Variants in LPP observed in about 807,000 individuals in gnomAD.
LPP encodes lipoma-preferred partner.
Under a neutral mutation model 60.4 loss-of-function variants are expected in LPP, and 38 were observed. That is an observed-to-expected ratio of 0.63 (90% CI 0.49 to 0.83). The LOEUF (loss-of-function observed/expected upper bound fraction) is 0.83. Among genes scored for constraint, LPP ranks in the 40% least tolerant of loss-of-function variants. The pLI is 0.00. For missense variants in LPP, 902 were observed against 783.6 expected, an observed-to-expected ratio of 1.15 and a Z score of -1.80; for synonymous variants, 328 against 290.8, an observed-to-expected ratio of 1.13 and a Z score of -1.30.
chr3:188,190,108 T>A (rs138788076), intron 1 of LPP, among the ~76,000 whole-genome samples: 3,270 of 148,636 alleles, frequency 0.022, 48 homozygotes, highest in Middle Eastern at 0.046. Context: ...CAGGCTGGAG[T>A]GCAGTGGCAT....
intron 6 of LPP, among the ~76,000 whole-genome samples, chr3:188,534,264 G>A (rs1169700694): frequency 6.6e-6 from 1 of 152,202 alleles, no homozygotes; most frequent in African/African-American, 2.4e-5. Context: ...TGATTTGTTT[G>A]TTTGACCTTG....
chr3:188,397,591 A>T (rs1443883300), intron 3 of LPP, among the ~76,000 whole-genome samples: 1 of 150,194 alleles, frequency 6.7e-6, no homozygotes, highest in African/African-American at 2.4e-5. Flanking sequence ...GCGTGGAGGC[A>T]TGTCACTGTT....
chr3:188,772,146 A>T (rs763334865), intron 9 of LPP, among the ~76,000 whole-genome samples: 3 of 152,194 alleles, frequency 2.0e-5, no homozygotes, highest in Non-Finnish European at 4.4e-5. Flanking sequence ...ATATGTTTGC[A>T]TTCTTATCTC....
intron 9 of LPP, among the ~76,000 whole-genome samples, chr3:188,814,508 T>C (rs551529366): frequency 6.6e-6 from 1 of 152,340 alleles, no homozygotes; most frequent in South Asian, 2.1e-4. Context: ...TTCTAATAAC[T>C]GAAATTCCGC....
chr3:188,545,562 A>G (rs1318541557), intron 6 of LPP, among the ~76,000 whole-genome samples: 1 of 152,052 alleles, frequency 6.6e-6, no homozygotes, highest in Admixed American at 6.6e-5. Flanking sequence ...AAATGAGCCC[A>G]TGTGCCTCGA....
intron 4 of LPP, among the ~76,000 whole-genome samples, chr3:188,411,943 A>G (rs545300208): frequency 1.5e-3 from 214 of 147,374 alleles, no homozygotes; most frequent in African/African-American, 5.2e-3. Context: ...CTTTTGCACC[A>G]ACTTAATAAC....
intron 2 of LPP, among the ~76,000 whole-genome samples, chr3:188,258,923 C>G (rs1407700974): frequency 1.3e-5 from 2 of 152,078 alleles, no homozygotes; most frequent in African/African-American, 4.8e-5. Context: ...GGGATGGACA[C>G]AGATGCTGAA....
intron 2 of LPP, among the ~76,000 whole-genome samples, chr3:188,287,741 A>T (rs1426647143): frequency 6.6e-6 from 1 of 152,190 alleles, no homozygotes; most frequent in African/African-American, 2.4e-5. Context: ...GCAAGGAGTA[A>T]TCGTCACCTT....
At chr3:188,298,887 G>A (rs1016460316) in intron 2 of LPP, among the ~76,000 whole-genome samples, 1 of 152,190 alleles carries the variant, frequency 6.6e-6, no homozygotes, top group African/African-American at 2.4e-5. Flanking sequence ...TGAGCAGAGG[G>A]AAGCTTAGCC....
chr3:188,371,631 ATATATATATATTTTTTTTTTTT>A (rs1231690043), intron 3 of LPP, among the ~76,000 whole-genome samples: 5 of 27,736 alleles, frequency 1.8e-4, no homozygotes, highest in Non-Finnish European at 2.7e-4. Flanking sequence ...ATATATATAT[ATATATATATATTTTTTTTTTTT>A]TTTTTTTTTT....
chr3:188,254,345 A>G (rs1730938086), intron 2 of LPP, among the ~76,000 whole-genome samples: 2 of 152,198 alleles, frequency 1.3e-5, no homozygotes, highest in African/African-American at 4.8e-5. Flanking sequence ...TTGTATGGTC[A>G]GTACAGTTTG....
chr3:188,318,356 A>G (rs1755724672), intron 2 of LPP, among the ~76,000 whole-genome samples: 1 of 151,776 alleles, frequency 6.6e-6, no homozygotes. Flanking sequence ...CGTGGTTTCT[A>G]TGACACTCAG....
chr3:188,359,688 G>T (rs990192073), intron 3 of LPP, among the ~76,000 whole-genome samples: 1 of 152,096 alleles, frequency 6.6e-6, no homozygotes, highest in African/African-American at 2.4e-5. Flanking sequence ...ATCCAGAGTG[G>T]CTTGCTGGTG....
chr3:188,349,666 C>T (rs1266009324), intron 3 of LPP, among the ~76,000 whole-genome samples: 1 of 152,184 alleles, frequency 6.6e-6, no homozygotes, highest in Non-Finnish European at 1.5e-5. Flanking sequence ...CTCCTATCCT[C>T]TGCAATAGGT....
chr3:188,385,497 G>C (rs1185407906), intron 3 of LPP, among the ~76,000 whole-genome samples: 2 of 152,114 alleles, frequency 1.3e-5, no homozygotes, highest in African/African-American at 4.8e-5. Flanking sequence ...CTGAACTTAC[G>C]TAAGTTACAA....
chr3:188,656,796 T>C (rs529287567), intron 7 of LPP, among the ~76,000 whole-genome samples: 1 of 152,250 alleles, frequency 6.6e-6, no homozygotes, highest in East Asian at 1.9e-4. Context: ...ATACCTAACA[T>C]TGGCATTGCA....
chr3:188,650,810 C>G (rs555195008), intron 7 of LPP, among the ~76,000 whole-genome samples: 59 of 152,276 alleles, frequency 3.9e-4, no homozygotes, highest in African/African-American at 1.3e-3. Flanking sequence ...ATCCAGTGCA[C>G]TGCTGTGTTT....
At chr3:188,769,705 C>T (rs1248726977) in intron 9 of LPP, among the ~76,000 whole-genome samples, 1 of 152,142 alleles carries the variant, frequency 6.6e-6, no homozygotes, top group Admixed American at 6.5e-5. Flanking sequence ...CATGAGTCTT[C>T]ATGAGGCCTT....
At chr3:188,521,907 A>G (rs1818977641) in intron 5 of LPP, among the ~76,000 whole-genome samples, 1 of 152,240 alleles carries the variant, frequency 6.6e-6, no homozygotes, top group South Asian at 2.1e-4. Context: ...ATATCTGCGC[A>G]CAAGAGGATC....
Sources: allele counts gnomAD v4.1 joint callset (sites outside exome capture counted in the v4.1 genomes callset), GRCh38; gene constraint gnomAD v4.1.1; transcripts MANE v1.5; gene names NCBI Gene and HGNC (gene_info 2026-07-23, HGNC 2026-07-21).